CEP57L1: variants seen among roughly 807,000 people sequenced by gnomAD.
The protein encoded by CEP57L1 is centrosomal protein 57 like 1, also known as centrosomal protein CEP57L1.
In CEP57L1, 37 loss-of-function variants were observed where a neutral mutation model predicts 61.0. The ratio of observed to expected loss-of-function variants is 0.61; its 90% CI spans 0.47 to 0.80. CEP57L1 has a LOEUF of 0.80. Among genes scored for constraint, CEP57L1 ranks in the 30% least tolerant of loss-of-function variants. The probability of loss-of-function intolerance (pLI) is 0.00; values close to 1 mark genes in which losing one functional copy is unlikely to be tolerated. For synonymous variants in CEP57L1, 137 were observed against 162.3 expected, an observed-to-expected ratio of 0.84 and a Z score of 1.19; for missense variants, 422 against 524.7, an observed-to-expected ratio of 0.80 and a Z score of 1.91.
intron 10 of CEP57L1, 67 bp downstream of exon 10, chr6:109,160,783 G>C: frequency 6.7e-7 from 1 of 1,481,594 alleles, no homozygotes. Context: ...TTGTATCTCT[G>C]TATGACTTTC....
At chr6:109,134,122 T>C (rs1352563823) in intron 1 of CEP57L1, among the ~76,000 whole-genome samples, 1 of 152,128 alleles carries the variant, frequency 6.6e-6, no homozygotes, top group Admixed American at 6.5e-5. Context: ...AAGAGAATTT[T>C]AGACCAATAT....
In CEP57L1 at chr6:109,153,826, T is replaced by A. The variant is rs777205020; in HGVS notation, c.463-7T>A. On this transcript the variant is annotated splice_region_variant and splice_polypyrimidine_tract_variant and intron_variant, in intron 4 of 10. Coordinates refer to ENST00000517392, the MANE Select transcript of CEP57L1 (RefSeq NM_001271852.3). ...CAGGGTTGCTATTTTATTTTTATCC[T>A]TTCTAGGCCCAGCTTCAGAGGGAAA... The A allele has an allele frequency of 5.8e-5, 92 of 1,589,168 alleles. 4 individuals are homozygous for A. The South Asian group carries it at 1.0e-3, about 17-fold the overall frequency.
chr6:109,097,856 C>T (rs370578052), intron 1 of CEP57L1, among the ~76,000 whole-genome samples: 1 of 152,156 alleles, frequency 6.6e-6, no homozygotes, highest in East Asian at 1.9e-4. Flanking sequence ...ATGTAGATGC[C>T]TGGGCAAATA....
rs933174333 is a variant in CEP57L1, at chr6:109,173,560, G to GAC, written c.*10591_*10592dup. Among the ~76,000 whole-genome samples the GAC allele has an allele frequency of 8.7e-5, 13 of 148,720 alleles. No individual in the cohort carries two copies. The highest frequency in any genetic ancestry group is 2.7e-4 in the African/African-American group (11 of 40,390). On this transcript the variant is annotated 3_prime_UTR_variant, in exon 11 of 11. Coordinates refer to ENST00000517392, the MANE Select transcript of CEP57L1 (RefSeq NM_001271852.3). ...CTGCCTCTGCCTCCCAAGTAGCTGG[G>GAC]ACTACAGGTGCATGCCACCACACCT...
intron 1 of CEP57L1, among the ~76,000 whole-genome samples, chr6:109,103,018 A>T (rs1373455980): frequency 1.3e-5 from 2 of 152,146 alleles, no homozygotes; most frequent in Non-Finnish European, 2.9e-5. Flanking sequence ...CAATTGAATT[A>T]CCTTGTTACT....
chr6:109,147,053 C>A, intron 3 of CEP57L1, 116 bp downstream of exon 3: 1 of 782,162 alleles, frequency 1.3e-6, no homozygotes, highest in Non-Finnish European at 1.9e-6. Context: ...TATATTCAAA[C>A]TTCATGACTT....
chr6:109,156,476 A>G (rs951239190), intron 7 of CEP57L1: 1 of 152,122 alleles, frequency 6.6e-6, no homozygotes, highest in South Asian at 2.1e-4. Flanking sequence ...TTATAGACCA[A>G]TATTTTGTTT....
intron 4 of CEP57L1, among the ~76,000 whole-genome samples, chr6:109,153,276 C>G (rs1772852459): frequency 9.1e-6 from 1 of 109,384 alleles, no homozygotes; most frequent in East Asian, 3.2e-4. Flanking sequence ...AGGTCTCACT[C>G]TGTTGCCCAG....
At position 109,164,891 on chromosome 6, in the gene CEP57L1, C is replaced by T. The variant is rs935798959; in HGVS notation, c.*1921C>T. 6.6e-6 allele frequency among the ~76,000 whole-genome samples: 1 copy of T among 151,980 alleles called. No individual in the cohort carries two copies. Among genetic ancestry groups the T allele is most frequent in the African/African-American group, 2.4e-5 (1 of 41,396 alleles). On this transcript the variant is annotated 3_prime_UTR_variant, in exon 11 of 11. Coordinates refer to ENST00000517392, the MANE Select transcript of CEP57L1 (RefSeq NM_001271852.3). Reference sequence around the variant, plus strand: ...GGTCAGGAGATTGAGACCATCCTGGCCAACATGTGAAACCCTGTCTCTACT... The same window carrying T: ...GGTCAGGAGATTGAGACCATCCTGGTCAACATGTGAAACCCTGTCTCTACT...
intron 1 of CEP57L1, among the ~76,000 whole-genome samples, chr6:109,122,671 G>A (rs1374611674): frequency 6.6e-6 from 1 of 152,050 alleles, no homozygotes; most frequent in Non-Finnish European, 1.5e-5. Flanking sequence ...GCATGGTGGT[G>A]CACACCTGTA....
At chr6:109,146,498 A>T (rs942553124) in intron 2 of CEP57L1, among the ~76,000 whole-genome samples, 16 of 152,006 alleles carry the variant, frequency 1.1e-4, no homozygotes, top group African/African-American at 3.9e-4. Flanking sequence ...TTAAATTAAA[A>T]TTGTGGTTAT....
In CEP57L1 at chr6:109,169,376, A is replaced by G. The variant is rs955089539; in HGVS notation, c.*6406A>G. The stretch of plus-strand genomic sequence containing the variant: ...AAAAGTTGGCTTTTAATAAGTATTC[A>G]GTGAGAATGAATTTGAAGGGTGTGG... On this transcript the variant is annotated 3_prime_UTR_variant, in exon 11 of 11. Transcript: ENST00000517392. Among the ~76,000 whole-genome samples the G allele has an allele frequency of 2.6e-5, 4 of 152,180 alleles. No individual in the cohort carries two copies. The highest frequency in any genetic ancestry group is 9.7e-5 in the African/African-American group (4 of 41,450).
chr6:109,142,098 T>A lies in CEP57L1; in HGVS notation c.-3-3121T>A, dbSNP rs572446249. Among the ~76,000 whole-genome samples the A allele has an allele frequency of 2.1e-3, 315 of 152,288 alleles. 1 individual carries two copies. Among genetic ancestry groups the A allele is most frequent in the African/African-American group, 7.2e-3 (300 of 41,560 alleles). ...TTAGGGGGATAGTTTTTTTATGCAA[T>A]GGGTTCTTAGTTGCAGCCAATTGGG... On this transcript the variant is annotated intron_variant, in intron 1 of 10. Coordinates refer to ENST00000517392, the MANE Select transcript of CEP57L1 (RefSeq NM_001271852.3).
intron 4 of CEP57L1, among the ~76,000 whole-genome samples, chr6:109,152,351 T>C (rs1048952235): frequency 2.0e-5 from 3 of 152,088 alleles, no homozygotes; most frequent in Non-Finnish European, 4.4e-5. Context: ...CAGCTAACTT[T>C]TTGTATTTTT....
intron 1 of CEP57L1, among the ~76,000 whole-genome samples, chr6:109,095,891 G>T (rs1422157753): frequency 2.6e-5 from 4 of 152,144 alleles, no homozygotes; most frequent in Non-Finnish European, 5.9e-5. Flanking sequence ...ACGCGGGGTG[G>T]ATTTGGGATC....
rs1774324013 is a variant in CEP57L1 at position 109,169,903 on chromosome 6, G to A, written c.*6933G>A. On this transcript the variant is annotated 3_prime_UTR_variant, in exon 11 of 11. Transcript: ENST00000517392. ...AAAACCTGATAATACCACCAATGTA[G>A]TACTCTTTAAAAACATGTCATCTTA... is the stretch of plus-strand genomic sequence containing the variant. Among the ~76,000 whole-genome samples the A allele has an allele frequency of 6.6e-6, 1 of 152,110 alleles. No homozygotes were observed.
intron 1 of CEP57L1, among the ~76,000 whole-genome samples, chr6:109,124,086 AAG>A (rs1773276393): frequency 6.6e-6 from 1 of 151,912 alleles, no homozygotes; most frequent in Non-Finnish European, 1.5e-5. Flanking sequence ...AAAAAAAAAA[AAG>A]AACCACTTCT....
chr6:109,160,178 G>C (rs945545061), intron 9 of CEP57L1, among the ~76,000 whole-genome samples: 1 of 152,132 alleles, frequency 6.6e-6, no homozygotes, highest in Non-Finnish European at 1.5e-5. Flanking sequence ...ATTTCAGTAG[G>C]CTAACTCCAA....
At chr6:109,140,425 A>C (rs1277117282) in intron 1 of CEP57L1, 6 of 134,812 alleles carry the variant, frequency 4.5e-5, no homozygotes, top group African/African-American at 1.7e-4. Context: ...TTTTAGACAG[A>C]GTCTTTCTCT....
Sources: allele counts gnomAD v4.1 joint callset (sites outside exome capture counted in the v4.1 genomes callset), GRCh38; gene constraint gnomAD v4.1.1; transcripts MANE v1.5; gene names NCBI Gene and HGNC (gene_info 2026-07-23, HGNC 2026-07-21).